The following LPP variants were observed in gnomAD, a reference collection of about 807,000 sequenced individuals.
The protein encoded by LPP is lipoma-preferred partner.
In LPP, 38 loss-of-function variants were observed where a neutral mutation model predicts 60.4. The ratio of observed to expected loss-of-function variants is 0.63; its 90% CI spans 0.49 to 0.83. The LOEUF (loss-of-function observed/expected upper bound fraction) is 0.83. LPP is among the 40% of genes least tolerant of loss of function. The pLI, the probability that LPP is intolerant of heterozygous loss-of-function variation, is 0.00. For synonymous variants in LPP, 328 were observed against 290.8 expected (o/e 1.13, Z -1.30); for missense variants, 902 against 783.6 (o/e 1.15, Z -1.80).
intron 6 of LPP, among the ~76,000 whole-genome samples, chr3:188,600,297 G>T (rs953376078): frequency 9.4e-5 from 14 of 148,832 alleles, no homozygotes; most frequent in African/African-American, 2.9e-4. Flanking sequence ...TTCTTCCTTT[G>T]AGTGAAAAAG....
At chr3:188,543,028 T>G (rs1825634465) in intron 6 of LPP, among the ~76,000 whole-genome samples, 1 of 152,200 alleles carries the variant, frequency 6.6e-6, no homozygotes, top group Non-Finnish European at 1.5e-5. Context: ...ATGCCTCAGG[T>G]CTGACTGCTC....
At chr3:188,615,808 G>T (rs2151478148) in intron 7 of LPP, among the ~76,000 whole-genome samples, 1 of 152,224 alleles carries the variant, frequency 6.6e-6, no homozygotes, top group South Asian at 2.1e-4. Flanking sequence ...TCTCATTGTT[G>T]TTTTGATTTG....
intron 1 of LPP, among the ~76,000 whole-genome samples, chr3:188,213,934 G>T (rs890467615): frequency 4.2e-5 from 6 of 141,630 alleles, no homozygotes; most frequent in Non-Finnish European, 6.1e-5. Flanking sequence ...CCATTCAAAG[G>T]TGAGTCCTGA....
At chr3:188,745,846 C>G (rs1469788934) in intron 8 of LPP, among the ~76,000 whole-genome samples, 1 of 152,032 alleles carries the variant, frequency 6.6e-6, no homozygotes, top group African/African-American at 2.4e-5. Context: ...CTTTGAAAGC[C>G]TCTAATTCTA....
chr3:188,551,069 T>C (rs1048765616), intron 6 of LPP, among the ~76,000 whole-genome samples: 3 of 152,254 alleles, frequency 2.0e-5, no homozygotes, highest in African/African-American at 7.2e-5. Flanking sequence ...TTCTGGTCTT[T>C]TTAAAATTAA....
chr3:188,215,266 A>G (rs541043253), intron 1 of LPP, among the ~76,000 whole-genome samples: 1 of 152,018 alleles, frequency 6.6e-6, no homozygotes, highest in South Asian at 2.1e-4. Context: ...AGATTGCCCC[A>G]CTGCACTTTA....
rs540461136 is a variant in LPP at position 188,741,708 on chromosome 3, G to T, written c.1241-18405G>T. 2.6e-5 allele frequency among the ~76,000 whole-genome samples: 4 copies of T among 151,288 alleles called. No homozygotes were observed. In the South Asian group the frequency reaches 6.2e-4, roughly 24 times the overall value. ...ATAAAACTTTTCCAAGAAAAGAAAA[G>T]AATTCTTACAACCTTAGATAGGCAA... On this transcript the variant is annotated intron_variant, in intron 8 of 11. Transcript: ENST00000617246.
At chr3:188,423,494 T>G (rs968509245) in intron 4 of LPP, among the ~76,000 whole-genome samples, 2 of 152,124 alleles carry the variant, frequency 1.3e-5, no homozygotes, top group African/African-American at 2.4e-5. Context: ...TGGTATTTCT[T>G]GTTCTAGATC....
intron 1 of LPP, among the ~76,000 whole-genome samples, chr3:188,192,077 C>G (rs1017992913): frequency 1.3e-5 from 2 of 152,204 alleles, no homozygotes; most frequent in South Asian, 2.1e-4. Context: ...ATTTTAGCAA[C>G]CTGTGTTGCT....
At chr3:188,607,127 ACACACAC>A (rs1842542959) in intron 6 of LPP, among the ~76,000 whole-genome samples, 3 of 89,660 alleles carry the variant, frequency 3.3e-5, no homozygotes, top group Admixed American at 1.2e-4. Flanking sequence ...ACACACACAC[ACACACAC>A]ACACACACAC....
chr3:188,300,817 G>A (rs888756858), intron 2 of LPP, among the ~76,000 whole-genome samples: 10 of 151,992 alleles, frequency 6.6e-5, no homozygotes, highest in Non-Finnish European at 1.0e-4. Flanking sequence ...TCTGTTGCTG[G>A]GCACATATAT....
chr3:188,320,002 G>A (rs1207637611), intron 2 of LPP, among the ~76,000 whole-genome samples: 1 of 152,150 alleles, frequency 6.6e-6, no homozygotes, highest in Non-Finnish European at 1.5e-5. Flanking sequence ...TGAGTGTCTT[G>A]CAACTTGAGT....
intron 4 of LPP, among the ~76,000 whole-genome samples, chr3:188,407,014 A>C (rs1049135128): frequency 2.0e-5 from 3 of 152,140 alleles, no homozygotes. Context: ...TTGGTTGAAA[A>C]GGTTCCATAT....
chr3:188,532,715 C>T (rs912319942), intron 6 of LPP, among the ~76,000 whole-genome samples: 1 of 152,150 alleles, frequency 6.6e-6, no homozygotes, highest in Non-Finnish European at 1.5e-5. Flanking sequence ...GGCAGGGTAA[C>T]TACACTCCAT....
chr3:188,273,931 C>G (rs138394873), intron 2 of LPP, among the ~76,000 whole-genome samples: 1 of 152,150 alleles, frequency 6.6e-6, no homozygotes, highest in African/African-American at 2.4e-5. Flanking sequence ...ATGGTTGCCT[C>G]AAAGGCTGTA....
In LPP at chr3:188,403,244, C is replaced by T. The variant is rs938374604; in HGVS notation, c.-9-2868C>T. ...TATTGATACTTACATTTTATTTATACTCTCCCAGAAATTGCCTGTTTCTTT... is the reference window on the plus strand; with the variant it reads ...TATTGATACTTACATTTTATTTATATTCTCCCAGAAATTGCCTGTTTCTTT... On this transcript the variant is annotated intron_variant, in intron 3 of 11. Coordinates refer to ENST00000617246, the MANE Select transcript of LPP (RefSeq NM_001375462.1). Among the ~76,000 whole-genome samples, 10 of 152,256 alleles carry T rather than the reference C, an allele frequency of 6.6e-5. 3 individuals carry two copies. Among genetic ancestry groups the T allele is most frequent in the Admixed American group, 1.3e-4 (2 of 15,286 alleles).
chr3:188,179,522 C>G (rs921176286), intron 1 of LPP: 1 of 457,796 alleles, frequency 2.2e-6, no homozygotes, highest in Non-Finnish European at 4.4e-6. Flanking sequence ...ATTTTCTACA[C>G]TTAGAGTTCC....
chr3:188,776,911 T>C (rs1737984094), intron 9 of LPP, among the ~76,000 whole-genome samples: 3 of 152,216 alleles, frequency 2.0e-5, no homozygotes, highest in Non-Finnish European at 4.4e-5. Flanking sequence ...AGTTTATTAT[T>C]TGACATTTAT....
intron 6 of LPP, among the ~76,000 whole-genome samples, chr3:188,592,551 G>GTTTTT (rs1553936326): frequency 1.1e-4 from 11 of 98,232 alleles, no homozygotes; most frequent in African/African-American, 1.4e-4. Context: ...TTTTAGTTTT[G>GTTTTT]TTTTTGTTTT....
Sources: allele counts gnomAD v4.1 joint callset (sites outside exome capture counted in the v4.1 genomes callset), GRCh38; gene constraint gnomAD v4.1.1; transcripts MANE v1.5; gene names NCBI Gene and HGNC (gene_info 2026-07-23, HGNC 2026-07-21).